The following ZFHX3 variants were observed in gnomAD, a reference collection of about 807,000 sequenced individuals.
ZFHX3 encodes the protein zinc finger homeobox 3, also known as zinc finger homeobox protein 3.
Under a neutral mutation model 279.1 loss-of-function variants are expected in ZFHX3, and 42 were observed. The observed-to-expected ratio is 0.15, with a 90% confidence interval of 0.12 to 0.19. The LOEUF (loss-of-function observed/expected upper bound fraction) is 0.19. ZFHX3 is among the 10% of genes least tolerant of loss of function. The pLI is 1.00. For missense variants in ZFHX3, 4,981 were observed against 4,754.0 expected, an observed-to-expected ratio of 1.05 and a Z score of -1.40; for synonymous variants, 2,293 against 1,957.8, an observed-to-expected ratio of 1.17 and a Z score of -4.52.
chr16:72,890,006 C>A (rs16971372), intron 3 of ZFHX3, 44 bp from the exon 4 acceptor site: 14 of 1,555,770 alleles, frequency 9.0e-6, no homozygotes, highest in South Asian at 1.2e-5. Flanking sequence ...GTAAGCCACT[C>A]GAAGCGGCCA....
At chr16:73,539,202 C>G (rs2019965370) in intron 2 of ZFHX3, among the ~76,000 whole-genome samples, 1 of 150,748 alleles carries the variant, frequency 6.6e-6, no homozygotes, top group African/African-American at 2.4e-5. Flanking sequence ...CCAAGTATTT[C>G]TTCTGTGACT....
At chr16:73,188,925 G>A (rs553080079) in intron 5 of ZFHX3, among the ~76,000 whole-genome samples, 5 of 150,388 alleles carry the variant, frequency 3.3e-5, no homozygotes, top group South Asian at 2.1e-4. Context: ...GTGCAGTGGC[G>A]TGGTCTTGGC....
Position 72,811,769 on chromosome 16 carries a change from C to A in ZFHX3, c.3672G>T (p.Gln1224His), listed in dbSNP as rs1328643471. The A allele has an allele frequency of 1.2e-6, 2 of 1,613,118 alleles. No individual in the cohort carries two copies. The highest frequency in any genetic ancestry group is 1.7e-6 in the Non-Finnish European group (2 of 1,179,502). Residue 1224 changes from glutamine to histidine, a missense_variant, in exon 7 of 10, where the codon CAG (glutamine) becomes CAT (histidine). This residue lies in a region of ZFHX3 where 1,751 missense variants were observed against 1,770.0 expected (regional missense o/e 0.99). Transcript: ENST00000268489. ...CATTACTGTACTTGCAGTAGGGACA[C>A]TGGTACATCTGTGGGGAACACACCC... ...AEEIKPEQMY[Q>H]CPYCKYSNAD... is the part of the protein sequence containing the mutation.
chr16:73,816,793 G>A (rs1371356458), intron 1 of ZFHX3, among the ~76,000 whole-genome samples: 1 of 152,184 alleles, frequency 6.6e-6, no homozygotes, highest in African/African-American at 2.4e-5. Flanking sequence ...AAGATGAACT[G>A]GATTGAGAGT....
intron 1 of ZFHX3, among the ~76,000 whole-genome samples, chr16:73,882,949 T>A (rs1597157257): frequency 6.6e-6 from 1 of 152,098 alleles, no homozygotes; most frequent in Admixed American, 6.6e-5. Flanking sequence ...CCCTGCTGTC[T>A]ACCAGTGGGC....
intron 4 of ZFHX3, among the ~76,000 whole-genome samples, chr16:72,855,078 C>G (rs1358129617): frequency 6.6e-6 from 1 of 152,146 alleles, no homozygotes; most frequent in Non-Finnish European, 1.5e-5. Flanking sequence ...AGAGAGAGGG[C>G]TGGGGCAGAT....
intron 3 of ZFHX3, among the ~76,000 whole-genome samples, chr16:73,432,134 G>C (rs750212712): frequency 6.6e-6 from 1 of 152,190 alleles, no homozygotes; most frequent in Non-Finnish European, 1.5e-5. Flanking sequence ...AAGAAATAGA[G>C]TCTCGTGGTC....
intron 2 of ZFHX3, among the ~76,000 whole-genome samples, chr16:73,478,925 G>A (rs1262374781): frequency 1.3e-5 from 2 of 152,082 alleles, no homozygotes; most frequent in African/African-American, 2.4e-5. Flanking sequence ...GGTGGTGCGC[G>A]CCTGTAATCC....
At chr16:73,633,342 T>G (rs949657532) in intron 2 of ZFHX3, among the ~76,000 whole-genome samples, 1 of 152,200 alleles carries the variant, frequency 6.6e-6, no homozygotes, top group Non-Finnish European at 1.5e-5. Context: ...CAAGTCACCA[T>G]AGAAATTCTA....
intron 2 of ZFHX3, among the ~76,000 whole-genome samples, chr16:73,644,752 C>T (rs1336716231): frequency 6.6e-6 from 1 of 152,128 alleles, no homozygotes; most frequent in Non-Finnish European, 1.5e-5. Flanking sequence ...CACGCATTAC[C>T]CTCTACAAAG....
At chr16:73,281,626 C>G (rs1349799049) in intron 4 of ZFHX3, among the ~76,000 whole-genome samples, 1 of 151,960 alleles carries the variant, frequency 6.6e-6, no homozygotes, top group East Asian at 1.9e-4. Flanking sequence ...GTGATCTTAA[C>G]AAAACAAACA....
chr16:72,822,287 GTTC>G (rs1313625851), intron 5 of ZFHX3, among the ~76,000 whole-genome samples: 1 of 152,176 alleles, frequency 6.6e-6, no homozygotes, highest in Admixed American at 6.5e-5. Flanking sequence ...TAGAATTTAA[GTTC>G]TCCTCCTCCA....
chr16:73,553,280 T>C (rs1265051712), intron 2 of ZFHX3, among the ~76,000 whole-genome samples: 1 of 152,100 alleles, frequency 6.6e-6, no homozygotes, highest in East Asian at 1.9e-4. Context: ...TCTCAACACA[T>C]TTTGAAATGG....
At chr16:73,187,047 G>T (rs377353478) in intron 5 of ZFHX3, among the ~76,000 whole-genome samples, 15 of 152,100 alleles carry the variant, frequency 9.9e-5, no homozygotes, top group East Asian at 5.8e-4. Flanking sequence ...GTTGTGGAAA[G>T]ACTGTGGAAA....
At chr16:72,859,356 A>C (rs1196726452) in intron 4 of ZFHX3, among the ~76,000 whole-genome samples, 1 of 152,140 alleles carries the variant, frequency 6.6e-6, no homozygotes, top group African/African-American at 2.4e-5. Context: ...AAATGGGGCA[A>C]AGGGTTGCCT....
chr16:73,767,069 G>A (rs142192792), intron 1 of ZFHX3, among the ~76,000 whole-genome samples: 1,967 of 151,874 alleles, frequency 0.013, 53 homozygotes, highest in African/African-American at 0.043. Context: ...CTGAGTAGCT[G>A]GGATTACAGG....
At chr16:73,875,050 T>A (rs139098793) in intron 1 of ZFHX3, among the ~76,000 whole-genome samples, 7 of 152,226 alleles carry the variant, frequency 4.6e-5, no homozygotes, top group African/African-American at 1.7e-4. Context: ...CCCGGGTATA[T>A]AGCTGTTAAG....
chr16:72,819,106 T>G (rs776903044), intron 5 of ZFHX3, among the ~76,000 whole-genome samples: 11 of 152,196 alleles, frequency 7.2e-5, no homozygotes, highest in Non-Finnish European at 1.3e-4. Context: ...AAGAACAGCA[T>G]AGAGAGGACC....
At position 72,959,833 on chromosome 16, in the gene ZFHX3, G is replaced by C; in HGVS notation, c.313C>G (p.Pro105Ala). 1.3e-6 allele frequency: 2 copies of C among 1,594,210 alleles called. No homozygotes were observed. Among genetic ancestry groups the C allele is most frequent in the Non-Finnish European group, 1.7e-6 (2 of 1,168,124 alleles). The change falls in exon 2 of 10, where the codon CCG becomes GCG. Residue 105 changes from proline to alanine, a missense_variant. By Grantham distance (27) the Pro-to-Ala change is conservative. Transcript: ENST00000268489. ...MEHHCPSARP[P>A]PPLREESASD... is the part of the protein sequence containing the mutation. ...GCGCTCTCCTCTCTCAGGGGTGGCG[G>C]GGGGCGCGCGCTGGGGCAGTGGTGC...
Sources: allele counts gnomAD v4.1 joint callset (sites outside exome capture counted in the v4.1 genomes callset), GRCh38; gene constraint gnomAD v4.1.1; regional missense constraint gnomAD v4.1.1; transcripts MANE v1.5; gene names NCBI Gene and HGNC (gene_info 2026-07-23, HGNC 2026-07-21).